Variants in TRIM38 observed in about 807,000 individuals in gnomAD.
The protein encoded by TRIM38 is E3 ubiquitin-protein ligase TRIM38.
TRIM38 carries 35 observed loss-of-function variants against 35.8 expected under a neutral mutation model. The observed-to-expected ratio is 0.98, with a 90% CI of 0.75 to 1.30. The LOEUF (loss-of-function observed/expected upper bound fraction) is 1.30, where lower values mean the gene tolerates loss of function less well. TRIM38 is among the 50% of genes most tolerant of loss of function. The pLI is 0.00. For missense variants in TRIM38, 545 were observed against 556.9 expected (o/e 0.98, Z 0.21); for synonymous variants, 198 against 204.7 (o/e 0.97, Z 0.28).
chr6:25,966,995 G>A (rs1205933417), intron 3 of TRIM38, 62 bp downstream of exon 3: 37 of 1,491,530 alleles, frequency 2.5e-5, no homozygotes, highest in Non-Finnish European at 3.3e-5. Flanking sequence ...CCCAGGAGCT[G>A]AGATGATTTA....
rs766133818 is a variant in TRIM38 at position 25,973,052 on chromosome 6, A to G, written c.739-2A>G. 9.9e-6 allele frequency: 16 copies of G among 1,614,026 alleles called. No homozygotes were observed. In the East Asian group the frequency reaches 3.3e-4, roughly 34 times the overall value. The stretch of plus-strand genomic sequence containing the variant: ...TCACCTTTTCTTTTTGTTTCTTTAT[A>G]GAATGTGAATGACACTTTGAGCAGG... On this transcript the variant is annotated splice_acceptor_variant, in intron 5 of 7. Coordinates refer to ENST00000357085, the MANE Select transcript of TRIM38 (RefSeq NM_006355.5). LOFTEE classifies it high-confidence loss of function.
chr6:25,966,642 A>G lies in TRIM38; in HGVS notation c.120A>G (p.Ile40Met). The G allele has an allele frequency of 6.2e-7, 1 of 1,614,200 alleles. No individual in the cohort carries two copies. Among genetic ancestry groups the G allele is most frequent in the Non-Finnish European group, 8.5e-7 (1 of 1,180,038 alleles). ...GACACAGCTACTGCCACTTGTGTAT[A>G]ACAGACTTCTTTAAAAACCCAAGCC... Reference protein sequence around the residue: ...NCGHSYCHLCITDFFKNPSQK... With the variant: ...NCGHSYCHLCMTDFFKNPSQK... The change falls in exon 3 of 8, where the codon ATA becomes ATG. Residue 40 changes from isoleucine to methionine, a missense_variant. By Grantham distance (10) the Ile-to-Met change is conservative (BLOSUM62 1). Transcript: ENST00000357085.
At chr6:25,968,923 A>C (rs1760142001) in intron 3 of TRIM38, among the ~76,000 whole-genome samples, 2 of 152,214 alleles carry the variant, frequency 1.3e-5, no homozygotes, top group South Asian at 4.1e-4. Flanking sequence ...GTTGTTTTAC[A>C]AAATCTTTTA....
intron 2 of TRIM38, among the ~76,000 whole-genome samples, chr6:25,965,443 A>G (rs533365643): frequency 1.3e-5 from 2 of 152,232 alleles, no homozygotes; most frequent in African/African-American, 4.8e-5. Context: ...CTAAATTCCA[A>G]TGCATTTCTT....
In TRIM38 at chr6:25,987,539, A is replaced by C. The variant is rs1760748208; in HGVS notation, c.*3852A>C. 1 of 152,134 alleles carries C rather than the reference A, an allele frequency of 6.6e-6. No individual in the cohort carries two copies. Among genetic ancestry groups the C allele is most frequent in the Non-Finnish European group, 1.5e-5 (1 of 68,022 alleles). The allele number at this position is 152,134 out of a possible 1,614,324, so 9.4% of individuals were successfully genotyped here. On this transcript the variant is annotated 3_prime_UTR_variant, in exon 8 of 8. Transcript: ENST00000357085. ...TCACCCAAAGAGCCCACCTCCAAAG[A>C]CCATCACATTGAATGTGAGAGTTTC...
At position 25,972,007 on chromosome 6, in the gene TRIM38, G is replaced by A; in HGVS notation, c.646G>A (p.Glu216Lys). The A allele has an allele frequency of 6.2e-7, 1 of 1,614,180 alleles. No individual in the cohort carries two copies. The highest frequency in any genetic ancestry group is 1.3e-5 in the African/African-American group (1 of 75,046). The stretch of plus-strand genomic sequence containing the variant: ...GACTCTGAGTAGACTGAGGGACTAT[G>A]AGGCTGGTCTGGGGCTGAAGAGCAA... ...QQTLSRLRDY[E>K]AGLGLKSNEL... Residue 216 changes from glutamate to lysine, a missense_variant, in exon 5 of 8, where the codon GAG becomes AAG. By Grantham distance (56) the Glu-to-Lys change is moderately conservative (BLOSUM62 1). Coordinates refer to ENST00000357085, the MANE Select transcript of TRIM38 (RefSeq NM_006355.5).
intron 3 of TRIM38, 128 bp from the exon 4 acceptor site, chr6:25,969,197 C>CA: frequency 2.9e-6 from 2 of 692,916 alleles, no homozygotes; most frequent in Non-Finnish European, 4.8e-6. Flanking sequence ...TGCTCTCTAG[C>CA]AAAAAACAAT....
intron 7 of TRIM38, among the ~76,000 whole-genome samples, chr6:25,974,070 T>G (rs941113595): frequency 6.6e-6 from 1 of 152,230 alleles, no homozygotes; most frequent in Non-Finnish European, 1.5e-5. Context: ...AACACTGATA[T>G]GTTATCTCAA....
intron 7 of TRIM38, among the ~76,000 whole-genome samples, chr6:25,980,346 A>G (rs1760509770): frequency 6.6e-6 from 1 of 152,130 alleles, no homozygotes; most frequent in Non-Finnish European, 1.5e-5. Flanking sequence ...ACAATTCTAA[A>G]CATGAATTCA....
chr6:25,983,587 A>G lies in TRIM38; in HGVS notation c.1298A>G (p.His433Arg). ...TTTTATAACGGGAATACTGGCTGCCACATCTTTACTTTCCCGAAGGCTTCC... is the reference window on the plus strand; with the variant it reads ...TTTTATAACGGGAATACTGGCTGCCGCATCTTTACTTTCCCGAAGGCTTCC... ...VSFYNGNTGC[H>R]IFTFPKASFS... Residue 433 changes from histidine (H) to arginine (R), a missense_variant, in exon 8 of 8, where the codon CAC becomes CGC. By Grantham distance (29) the His-to-Arg change is conservative (BLOSUM62 0). Transcript: ENST00000357085. 6.2e-7 allele frequency: 1 copy of G among 1,614,074 alleles called. No individual in the cohort carries two copies. The highest frequency in any genetic ancestry group is 8.5e-7 in the Non-Finnish European group (1 of 1,180,020).
chr6:25,976,022 G>T (rs929433089), intron 7 of TRIM38, among the ~76,000 whole-genome samples: 1 of 152,158 alleles, frequency 6.6e-6, no homozygotes, highest in Admixed American at 6.5e-5. Flanking sequence ...CAGGAATAAT[G>T]ACTCACATAT....
chr6:25,973,425 A>G, intron 7 of TRIM38, 140 bp downstream of exon 7: 2 of 1,448,292 alleles, frequency 1.4e-6, no homozygotes, highest in Middle Eastern at 2.5e-4. Flanking sequence ...TACTTTCTCT[A>G]GTTAGTATGA....
chr6:25,974,414 T>A (rs1760331982), intron 7 of TRIM38, among the ~76,000 whole-genome samples: 1 of 152,152 alleles, frequency 6.6e-6, no homozygotes, highest in Non-Finnish European at 1.5e-5. Context: ...GCCAGCAAGA[T>A]GGAGTCTTAC....
intron 7 of TRIM38, chr6:25,975,072 G>A (rs1351937928): frequency 1.6e-5 from 15 of 918,014 alleles, no homozygotes; most frequent in East Asian, 1.2e-4. Flanking sequence ...TCGCTCTGTC[G>A]CCCAGGCTGG....
intron 2 of TRIM38, among the ~76,000 whole-genome samples, chr6:25,966,082 C>G (rs1413812611): frequency 6.6e-6 from 1 of 152,188 alleles, no homozygotes; most frequent in African/African-American, 2.4e-5. Context: ...TTGTTCCTGA[C>G]TGGCTGCCTC....
chr6:25,969,398 C>T lies in TRIM38; in HGVS notation c.485C>T (p.Ala162Val), dbSNP rs1409832822. 19 of 1,610,008 alleles carry T rather than the reference C, an allele frequency of 1.2e-5. No homozygotes were observed. Among genetic ancestry groups the T allele is most frequent in the Non-Finnish European group, 1.6e-5 (19 of 1,178,012 alleles). Residue 162 changes from alanine (A) to valine (V), a missense_variant, in exon 4 of 8, where the codon GCA becomes GTA. Physicochemically the swap from Ala to Val is moderately conservative, Grantham distance 64. Transcript: ENST00000357085. ...DRCTEQKLSTAMRITKWKEKV... is the reference protein window; with the variant it reads ...DRCTEQKLSTVMRITKWKEKV... ...TGTACGGAGCAGAAGCTGTCCACAG[C>T]AATGCGAATAACTAAATGGAAAGTA...
intron 2 of TRIM38, among the ~76,000 whole-genome samples, chr6:25,965,664 G>C (rs921363425): frequency 1.1e-4 from 16 of 152,132 alleles, no homozygotes; most frequent in Non-Finnish European, 2.1e-4. Flanking sequence ...GGTGGCTCAT[G>C]CCTGTAATCC....
At position 25,986,896 on chromosome 6, in the gene TRIM38, G is replaced by GGTGAAGAGCATGT. The variant is rs1295623197; in HGVS notation, c.*3213_*3225dup. On this transcript the variant is annotated 3_prime_UTR_variant, in exon 8 of 8. Transcript: ENST00000357085. ...GATGGAAAAAAGGACACAAAAGTAG[G>GGTGAAGAGCATGT]GTGAAGAGCATGTGTGCAACAGCTC... 6.6e-6 allele frequency: 1 copy of GGTGAAGAGCATGT among 152,088 alleles called. No homozygotes were observed. The highest frequency in any genetic ancestry group is 1.5e-5 in the Non-Finnish European group (1 of 68,028). 9.4% of individuals were successfully genotyped at this position (152,088 alleles called of 1,614,324 possible). A position where few individuals can be genotyped will look rare whatever the true frequency, so the allele number is the denominator to read the frequency against.
rs541996314 is a variant in TRIM38 at position 25,972,753 on chromosome 6, G to C, written c.739-301G>C. On this transcript the variant is annotated intron_variant, in intron 5 of 7. Coordinates refer to ENST00000357085, the MANE Select transcript of TRIM38 (RefSeq NM_006355.5). ...CACCAAAAGCTAGTCCTTACAGAGG[G>C]AGCATGGACAAAGCTCCTGGCCCTC... Among the ~76,000 whole-genome samples, 23 of 152,312 alleles carry C rather than the reference G, an allele frequency of 1.5e-4. No homozygotes were observed. The South Asian group carries it at 4.8e-3, about 32-fold the overall frequency.
Sources: allele counts gnomAD v4.1 joint callset (sites outside exome capture counted in the v4.1 genomes callset), GRCh38; gene constraint gnomAD v4.1.1; transcripts MANE v1.5; gene names NCBI Gene and HGNC (gene_info 2026-07-23, HGNC 2026-07-21).